The following ARHGAP15 variants were observed in gnomAD, a reference collection of about 807,000 sequenced individuals.
ARHGAP15 encodes rho GTPase-activating protein 15.
A neutral mutation model predicts 63.7 loss-of-function variants in ARHGAP15; 51 were observed. That is an observed-to-expected ratio of 0.80 (90% CI 0.64 to 1.01). The LOEUF (loss-of-function observed/expected upper bound fraction) is 1.01. Ranked by LOEUF, ARHGAP15 falls within the 50% of genes least tolerant of loss-of-function variation. The pLI is 0.00. For synonymous variants in ARHGAP15, 191 were observed against 193.8 expected (o/e 0.99, Z 0.12); for missense variants, 560 against 564.6 (o/e 0.99, Z 0.08).
At chr2:143,522,806 G>A (rs1574573790) in intron 10 of ARHGAP15, among the ~76,000 whole-genome samples, 1 of 152,134 alleles carries the variant, frequency 6.6e-6, no homozygotes, top group African/African-American at 2.4e-5. Context: ...TGATGTAGAG[G>A]AAGGCATTGT....
intron 6 of ARHGAP15, among the ~76,000 whole-genome samples, chr2:143,251,621 T>C (rs1293692523): frequency 6.6e-6 from 1 of 152,064 alleles, no homozygotes; most frequent in South Asian, 2.1e-4. Context: ...AAATTACTTT[T>C]CTGGTTCTAG....
chr2:143,470,968 T>G (rs1691514343), intron 8 of ARHGAP15, among the ~76,000 whole-genome samples: 1 of 147,516 alleles, frequency 6.8e-6, no homozygotes, highest in East Asian at 2.1e-4. Context: ...ATCATATGTG[T>G]GTACATACAC....
At chr2:143,493,036 C>T (rs529198682) in intron 9 of ARHGAP15, among the ~76,000 whole-genome samples, 48 of 147,928 alleles carry the variant, frequency 3.2e-4, no homozygotes, top group South Asian at 8.7e-4. Context: ...CCAGCCTGGG[C>T]GACAGAGCGA....
chr2:143,585,285 G>C (rs1697068018), intron 11 of ARHGAP15, among the ~76,000 whole-genome samples: 1 of 151,844 alleles, frequency 6.6e-6, no homozygotes, highest in Admixed American at 6.6e-5. Flanking sequence ...CTTGTCAAAA[G>C]AATATTTACA....
chr2:143,720,319 T>C (rs1040864982), intron 13 of ARHGAP15, among the ~76,000 whole-genome samples: 1 of 152,096 alleles, frequency 6.6e-6, no homozygotes, highest in South Asian at 2.1e-4. Flanking sequence ...TGAATGTAAT[T>C]ACACAGATTG....
intron 11 of ARHGAP15, among the ~76,000 whole-genome samples, chr2:143,567,513 C>T (rs1696278423): frequency 6.6e-6 from 1 of 152,188 alleles, no homozygotes; most frequent in East Asian, 1.9e-4. Context: ...TCACCTTCCA[C>T]CTCCACCTGA....
At chr2:143,558,226 G>C (rs898675620) in intron 11 of ARHGAP15, among the ~76,000 whole-genome samples, 1 of 152,026 alleles carries the variant, frequency 6.6e-6, no homozygotes, top group African/African-American at 2.4e-5. Context: ...ACATACTGTT[G>C]TGTTTTTTAA....
rs921396784 is a variant in ARHGAP15, at chr2:143,754,164, C to T, written c.1245-13825C>T. 7.9e-5 allele frequency among the ~76,000 whole-genome samples: 12 copies of T among 152,206 alleles called. No homozygotes were observed. The East Asian group carries it at 9.6e-4, about 12-fold the overall frequency. ...TTAGTTCTGGAGGGCTATGTAAAGCCGAAGCATTTGGTGGAGGGGCAGAAA... is the reference window on the plus strand; with the variant it reads ...TTAGTTCTGGAGGGCTATGTAAAGCTGAAGCATTTGGTGGAGGGGCAGAAA... On this transcript the variant is annotated intron_variant, in intron 13 of 13. Coordinates refer to ENST00000295095, the MANE Select transcript of ARHGAP15 (RefSeq NM_018460.4).
intron 1 of ARHGAP15, among the ~76,000 whole-genome samples, chr2:143,154,085 C>T (rs529238701): frequency 1.7e-3 from 257 of 151,630 alleles, no homozygotes; most frequent in African/African-American, 5.9e-3. Flanking sequence ...GAATAAAATA[C>T]CTGCTCCTCC....
At chr2:143,587,659 C>T (rs1281677092) in intron 11 of ARHGAP15, 4 of 460,864 alleles carry the variant, frequency 8.7e-6, no homozygotes. Flanking sequence ...GAGGACCTTC[C>T]TTTCCTTTGT....
At chr2:143,387,372 A>G (rs1466490359) in intron 6 of ARHGAP15, among the ~76,000 whole-genome samples, 1 of 152,158 alleles carries the variant, frequency 6.6e-6, no homozygotes, top group Non-Finnish European at 1.5e-5. Context: ...CAACTCAGGA[A>G]TCTCCTTCAC....
At chr2:143,282,721 T>G (rs1478791856) in intron 6 of ARHGAP15, among the ~76,000 whole-genome samples, 1 of 152,134 alleles carries the variant, frequency 6.6e-6, no homozygotes, top group Non-Finnish European at 1.5e-5. Context: ...AGAGGTTAAA[T>G]AACTTGCCGG....
At chr2:143,339,998 G>A (rs1000304262) in intron 6 of ARHGAP15, among the ~76,000 whole-genome samples, 7 of 152,046 alleles carry the variant, frequency 4.6e-5, no homozygotes, top group African/African-American at 1.7e-4. Context: ...AAACGTCTCA[G>A]ACTCACATAA....
At chr2:143,767,368 GGGCTCTTT>G (rs2072955186) in intron 13 of ARHGAP15, among the ~76,000 whole-genome samples, 1 of 152,094 alleles carries the variant, frequency 6.6e-6, no homozygotes, top group African/African-American at 2.4e-5. Context: ...GATTCCAATG[GGGCTCTTT>G]TCCTGTGCAA....
At chr2:143,220,875 A>G (rs1347432462) in intron 4 of ARHGAP15, among the ~76,000 whole-genome samples, 3 of 152,224 alleles carry the variant, frequency 2.0e-5, no homozygotes, top group Non-Finnish European at 2.9e-5. Flanking sequence ...ATTCTTTATC[A>G]GTAATACTTA....
chr2:143,767,721 T>G (rs2072969997), intron 13 of ARHGAP15, among the ~76,000 whole-genome samples: 1 of 152,142 alleles, frequency 6.6e-6, no homozygotes, highest in Admixed American at 6.6e-5. Flanking sequence ...TTTTTGCTGT[T>G]TAATATACTC....
At chr2:143,543,558 G>T (rs1695196555) in intron 10 of ARHGAP15, among the ~76,000 whole-genome samples, 1 of 151,908 alleles carries the variant, frequency 6.6e-6, no homozygotes, top group Non-Finnish European at 1.5e-5. Flanking sequence ...CTAGTTTGAT[G>T]TAATCTCATT....
chr2:143,606,160 A>G (rs1411386314), intron 11 of ARHGAP15, among the ~76,000 whole-genome samples: 1 of 151,510 alleles, frequency 6.6e-6, no homozygotes, highest in African/African-American at 2.4e-5. Context: ...TCATAGCTTA[A>G]CACAGGTATT....
chr2:143,308,400 T>C (rs1158227690), intron 6 of ARHGAP15, among the ~76,000 whole-genome samples: 1 of 151,992 alleles, frequency 6.6e-6, no homozygotes, highest in Non-Finnish European at 1.5e-5. Context: ...ATTAGGCAAG[T>C]GACTGACCCT....
Sources: allele counts gnomAD v4.1 joint callset (sites outside exome capture counted in the v4.1 genomes callset), GRCh38; gene constraint gnomAD v4.1.1; transcripts MANE v1.5; gene names NCBI Gene and HGNC (gene_info 2026-07-23, HGNC 2026-07-21).